NEDD4L: variants seen among roughly 807,000 people sequenced by gnomAD.
NEDD4L encodes the protein E3 ubiquitin-protein ligase NEDD4-like.
NEDD4L carries 54 observed loss-of-function variants against 148.9 expected under a neutral mutation model. That is an observed-to-expected ratio of 0.36 (90% CI 0.29 to 0.45). The LOEUF (loss-of-function observed/expected upper bound fraction) is 0.45, where lower values mean the gene tolerates loss of function less well. Among genes scored for constraint, NEDD4L ranks in the 20% least tolerant of loss-of-function variants. The probability of loss-of-function intolerance (pLI) is 1.00; values close to 1 mark genes in which losing one functional copy is unlikely to be tolerated. For synonymous variants in NEDD4L, 433 were observed against 440.7 expected, an observed-to-expected ratio of 0.98 and a Z score of 0.22; for missense variants, 856 against 1,233.8, an observed-to-expected ratio of 0.69 and a Z score of 4.59.
chr18:58,304,693 C>T (rs567952623), intron 5 of NEDD4L, among the ~76,000 whole-genome samples: 2 of 152,306 alleles, frequency 1.3e-5, no homozygotes, highest in East Asian at 3.9e-4. Flanking sequence ...AACTAGCCAT[C>T]TATATGTCCA....
intron 2 of NEDD4L, among the ~76,000 whole-genome samples, chr18:58,183,383 G>A (rs188662520): frequency 3.5e-4 from 53 of 152,282 alleles, no homozygotes; most frequent in Admixed American, 9.8e-4. Context: ...AGGAGTAGAC[G>A]GTTACCTGTA....
chr18:58,303,935 G>C (rs2056782858), intron 5 of NEDD4L, among the ~76,000 whole-genome samples: 1 of 152,186 alleles, frequency 6.6e-6, no homozygotes, highest in South Asian at 2.1e-4. Context: ...CATTCTTATA[G>C]AGTTGCCCAA....
At chr18:58,147,853 A>C (rs979324744) in intron 1 of NEDD4L, among the ~76,000 whole-genome samples, 2 of 151,976 alleles carry the variant, frequency 1.3e-5, no homozygotes, top group African/African-American at 4.8e-5. Flanking sequence ...TCTGCCAGCA[A>C]ATCTCATCCA....
chr18:58,371,333 G>A (rs1339579132), intron 23 of NEDD4L, among the ~76,000 whole-genome samples: 1 of 151,308 alleles, frequency 6.6e-6, no homozygotes, highest in East Asian at 1.9e-4. Context: ...GATTACAGGT[G>A]TGAGCCACCG....
chr18:58,074,813 C>T (rs890233601), intron 1 of NEDD4L, among the ~76,000 whole-genome samples: 2 of 151,936 alleles, frequency 1.3e-5, no homozygotes, highest in African/African-American at 4.8e-5. Context: ...GCCCAAATGG[C>T]AGGGAAATTG....
intron 19 of NEDD4L, 200 bp downstream of exon 19, chr18:58,357,452 A>G: frequency 2.9e-6 from 2 of 701,096 alleles, no homozygotes; most frequent in Non-Finnish European, 2.6e-6. Flanking sequence ...GATGGATTTC[A>G]TTATAAAGGA....
intron 1 of NEDD4L, among the ~76,000 whole-genome samples, chr18:58,108,484 G>A (rs577398469): frequency 2.6e-5 from 4 of 152,152 alleles, no homozygotes; most frequent in South Asian, 2.1e-4. Flanking sequence ...GCAGTGGTGC[G>A]ATCTCAGCTC....
intron 1 of NEDD4L, among the ~76,000 whole-genome samples, chr18:58,057,629 G>T (rs1298321786): frequency 6.6e-6 from 1 of 152,156 alleles, no homozygotes; most frequent in African/African-American, 2.4e-5. Flanking sequence ...GCTTGTTCCA[G>T]CCTTACTGAG....
intron 5 of NEDD4L, among the ~76,000 whole-genome samples, chr18:58,297,261 C>T (rs1422202217): frequency 6.6e-6 from 1 of 152,104 alleles, no homozygotes; most frequent in East Asian, 1.9e-4. Flanking sequence ...GGCCAGTATT[C>T]AGCCTACTGT....
chr18:58,208,418 T>A (rs1042505607), intron 2 of NEDD4L, among the ~76,000 whole-genome samples: 4 of 152,216 alleles, frequency 2.6e-5, no homozygotes, highest in African/African-American at 9.7e-5. Context: ...GGTCTAAAAA[T>A]GGAAACGTGA....
chr18:58,211,461 A>G (rs2042595474), intron 2 of NEDD4L, among the ~76,000 whole-genome samples: 1 of 152,230 alleles, frequency 6.6e-6, no homozygotes, highest in African/African-American at 2.4e-5. Flanking sequence ...GAAGACATTG[A>G]ACTAATACCT....
intron 2 of NEDD4L, among the ~76,000 whole-genome samples, chr18:58,174,294 T>C (rs1300473608): frequency 6.6e-6 from 1 of 151,850 alleles, no homozygotes; most frequent in Non-Finnish European, 1.5e-5. Context: ...CAACATTTGA[T>C]TCATTAAAAG....
intron 5 of NEDD4L, among the ~76,000 whole-genome samples, chr18:58,314,220 C>A (rs1186028688): frequency 1.3e-5 from 2 of 152,070 alleles, no homozygotes; most frequent in African/African-American, 4.8e-5. Context: ...TGTTCGAGAC[C>A]AGCCTGGCCA....
At chr18:58,089,513 A>C (rs547228255) in intron 1 of NEDD4L, among the ~76,000 whole-genome samples, 1 of 151,598 alleles carries the variant, frequency 6.6e-6, no homozygotes, top group East Asian at 1.9e-4. Context: ...ATTTCAGAGG[A>C]AGCTTTTGGA....
At chr18:58,121,151 A>T (rs1434441745) in intron 1 of NEDD4L, among the ~76,000 whole-genome samples, 2 of 152,084 alleles carry the variant, frequency 1.3e-5, no homozygotes, top group Admixed American at 1.3e-4. Context: ...AGTAAGATAG[A>T]GAATTGATGA....
intron 5 of NEDD4L, among the ~76,000 whole-genome samples, chr18:58,286,348 T>C (rs1050730416): frequency 7.9e-5 from 12 of 152,240 alleles, no homozygotes; most frequent in Admixed American, 1.3e-4. Flanking sequence ...TTTAAGATGC[T>C]AACTGGACAT....
intron 13 of NEDD4L, among the ~76,000 whole-genome samples, chr18:58,340,665 A>C (rs2042305424): frequency 6.6e-6 from 1 of 152,236 alleles, no homozygotes; most frequent in African/African-American, 2.4e-5. Flanking sequence ...ACACAGTGAC[A>C]CTGGACAGTT....
At position 58,364,236 on chromosome 18, in the gene NEDD4L, G is replaced by A. The variant is rs886463647; in HGVS notation, c.1768-32G>A. On this transcript the variant is annotated intron_variant, in intron 19 of 30. Coordinates refer to ENST00000400345, the MANE Select transcript of NEDD4L (RefSeq NM_001144967.3). ...ACATAAAATTTCAGGTGTATTGTTT[G>A]CATTATCTATATTTATAAATTTATC... The A allele has an allele frequency of 4.6e-6, 6 of 1,314,710 alleles. No individual in the cohort carries two copies. In the African/African-American group the frequency reaches 5.9e-5, roughly 13 times the overall value. 81.4% of individuals were successfully genotyped at this position (1,314,710 alleles called of 1,614,324 possible). A position where few individuals can be genotyped will look rare whatever the true frequency, so the allele number is the denominator to read the frequency against.
At chr18:58,175,977 C>T (rs2038086912) in intron 2 of NEDD4L, among the ~76,000 whole-genome samples, 1 of 152,198 alleles carries the variant, frequency 6.6e-6, no homozygotes, top group Non-Finnish European at 1.5e-5. Flanking sequence ...AATCTCCATC[C>T]TGCGGGAGGC....
Sources: gnomAD v4.1 joint callset for allele counts (sites outside exome capture counted in the v4.1 genomes callset) on GRCh38, gnomAD v4.1.1 for gene constraint, MANE v1.5 for transcripts, NCBI Gene and HGNC (gene_info 2026-07-23, HGNC 2026-07-21) for gene names.